The following TXNDC9 variants were observed in gnomAD, a reference collection of about 807,000 sequenced individuals.
TXNDC9 encodes thioredoxin domain containing 9, also known as thioredoxin domain-containing protein 9.
In TXNDC9, 7 loss-of-function variants were observed where a neutral mutation model predicts 23.0. The observed-to-expected ratio is 0.30, with a 90% CI of 0.17 to 0.57. The LOEUF (loss-of-function observed/expected upper bound fraction) is 0.57. TXNDC9 is among the 20% of genes least tolerant of loss of function. The pLI is 0.90. For missense variants in TXNDC9, 198 were observed against 252.6 expected, an observed-to-expected ratio of 0.78 and a Z score of 1.47; for synonymous variants, 72 against 90.6, an observed-to-expected ratio of 0.79 and a Z score of 1.17.
chr2:99,309,631 C>T, the TXNDC9 span, among the ~76,000 whole-genome samples: 3 of 151,494 alleles, frequency 2.0e-5, no homozygotes, highest in Non-Finnish European at 4.4e-5. Context: ...GTCAGGAGTT[C>T]GAGACCAGCC....
At chr2:99,315,016 C>T (rs1195437533), downstream of TXNDC9, among the ~76,000 whole-genome samples, 1 of 150,508 alleles carries the variant, frequency 6.6e-6, no homozygotes, top group African/African-American at 2.4e-5. Context: ...CTGCCTCAGC[C>T]TCCCGAGTAG....
intron 2 of TXNDC9, among the ~76,000 whole-genome samples, chr2:99,330,797 C>T (rs1464112746): frequency 6.6e-6 from 1 of 152,186 alleles, no homozygotes; most frequent in Non-Finnish European, 1.5e-5. Flanking sequence ...AAAATTACTG[C>T]ATAATCTAAT....
chr2:99,328,192 C>T (rs967311056), intron 2 of TXNDC9, among the ~76,000 whole-genome samples: 4 of 151,592 alleles, frequency 2.6e-5, no homozygotes, highest in Non-Finnish European at 5.9e-5. Flanking sequence ...ACCTCCTGGG[C>T]TCAAGAGATC....
intron 2 of TXNDC9, among the ~76,000 whole-genome samples, chr2:99,331,967 T>G (rs896598760): frequency 6.6e-6 from 1 of 152,064 alleles, no homozygotes; most frequent in Admixed American, 6.6e-5. Flanking sequence ...CGACCTCAGG[T>G]TGTCCGCTCA....
At chr2:99,308,408 T>C in the TXNDC9 span, among the ~76,000 whole-genome samples, 1 of 152,244 alleles carries the variant, frequency 6.6e-6, no homozygotes, top group Non-Finnish European at 1.5e-5. Flanking sequence ...TGCTGCCCTA[T>C]ATTTTTGCTC....
rs1018333823 is a variant in TXNDC9, at chr2:99,336,137, T to C, written c.-33+102A>G. On this transcript the variant is annotated intron_variant, in intron 1 of 4. Transcript: ENST00000264255. The stretch of plus-strand genomic sequence containing the variant: ...GCCTCTGCCAGGACACCGACACCGG[T>C]GCTGGGGCCGCGCCCCTCCTCCGCT... 152 of 947,250 alleles carry C rather than the reference T, an allele frequency of 1.6e-4. No individual in the cohort carries two copies. In the African/African-American group the frequency reaches 2.6e-3, roughly 16 times the overall value. The allele number at this position is 947,250 out of a possible 1,614,324, so 58.7% of individuals were successfully genotyped here. A position where few individuals can be genotyped will look rare whatever the true frequency, so the allele number is the denominator to read the frequency against.
In TXNDC9 at chr2:99,319,778, T is replaced by C. The variant is rs754589186; in HGVS notation, c.585A>G (p.Pro195=). 5.0e-6 allele frequency: 8 copies of C among 1,584,250 alleles called. No individual in the cohort carries two copies. The South Asian group carries it at 7.1e-5, about 14-fold the overall frequency. Residue 195 remains proline (P), a synonymous_variant, in exon 5 of 5, where the codon CCA becomes CCG. Coordinates refer to ENST00000264255, the MANE Select transcript of TXNDC9 (RefSeq NM_005783.4). ...LNYSGNLMEP[P]FQNQKKFGTN... ...TTCCAAATTTCTTTTGGTTCTGAAA[T>C]GGTGGCTCCATTAAATTTCCACTTA...
intron 2 of TXNDC9, among the ~76,000 whole-genome samples, chr2:99,328,935 G>A (rs753513752): frequency 2.6e-5 from 4 of 152,192 alleles, no homozygotes; most frequent in Non-Finnish European, 5.9e-5. Context: ...GTTGCAGTGA[G>A]CTGAGATCAC....
chr2:99,332,315 C>A (rs1475468175), intron 2 of TXNDC9, among the ~76,000 whole-genome samples: 1 of 152,066 alleles, frequency 6.6e-6, no homozygotes, highest in African/African-American at 2.4e-5. Context: ...TGGTGGTGTG[C>A]GCCTGTAGTC....
downstream of TXNDC9, among the ~76,000 whole-genome samples, chr2:99,317,946 A>C (rs961819849): frequency 1.3e-5 from 2 of 152,122 alleles, no homozygotes; most frequent in African/African-American, 4.8e-5. Flanking sequence ...GCTGGGGTGG[A>C]GTGGTGTGAT....
At chr2:99,320,238 G>A (rs192965861) in intron 4 of TXNDC9, among the ~76,000 whole-genome samples, 3 of 152,232 alleles carry the variant, frequency 2.0e-5, no homozygotes, top group South Asian at 4.1e-4. Flanking sequence ...GAACTCTTAG[G>A]CTCAAGCAAT....
the TXNDC9 span, among the ~76,000 whole-genome samples, chr2:99,306,466 G>A: frequency 2.0e-5 from 3 of 151,916 alleles, no homozygotes; most frequent in African/African-American, 7.2e-5. Context: ...TGCAAAGAAT[G>A]GCGCTGTGTT....
In TXNDC9 at chr2:99,332,801, T is replaced by A; in HGVS notation, c.189+221A>T. The A allele has an allele frequency of 6.3e-6, 3 of 477,472 alleles. No homozygotes were observed. In the South Asian group the frequency reaches 9.9e-5, roughly 16 times the overall value. 29.6% of individuals were successfully genotyped at this position (477,472 alleles called of 1,614,324 possible). A position where few individuals can be genotyped will look rare whatever the true frequency, so the allele number is the denominator to read the frequency against. ...GCTCAGAAAAACGATCTTGGGCAGA[T>A]CTTTCTTTTACTCGACTGTGGATTA... On this transcript the variant is annotated intron_variant, in intron 2 of 4. Transcript: ENST00000264255.
chr2:99,334,686 A>T (rs2094234406), intron 1 of TXNDC9, among the ~76,000 whole-genome samples: 1 of 152,216 alleles, frequency 6.6e-6, no homozygotes, highest in South Asian at 2.1e-4. Flanking sequence ...AAAGAAATGG[A>T]GTATTTTGTA....
downstream of TXNDC9, among the ~76,000 whole-genome samples, chr2:99,316,796 G>A (rs193282898): frequency 3.3e-5 from 5 of 151,574 alleles, no homozygotes; most frequent in African/African-American, 7.3e-5. Flanking sequence ...TCACTCTGTC[G>A]CCCAGGCTGG....
At chr2:99,328,202 C>A (rs2094217244) in intron 2 of TXNDC9, among the ~76,000 whole-genome samples, 1 of 151,666 alleles carries the variant, frequency 6.6e-6, no homozygotes, top group Non-Finnish European at 1.5e-5. Context: ...CTCAAGAGAT[C>A]CTCCTACGTC....
At chr2:99,327,750 G>T in intron 2 of TXNDC9, 97 bp from the exon 3 acceptor site, 6 of 663,736 alleles carry the variant, frequency 9.0e-6, no homozygotes, top group Non-Finnish European at 1.5e-5. Context: ...ATTTTGTAAT[G>T]AAGTCAATTA....
At chr2:99,310,729 T>C in the TXNDC9 span, among the ~76,000 whole-genome samples, 5 of 152,084 alleles carry the variant, frequency 3.3e-5, no homozygotes, top group East Asian at 1.9e-4. Flanking sequence ...CCTTTGAAGA[T>C]AGAGGGAAGG....
At chr2:99,328,067 G>A (rs866866142) in intron 2 of TXNDC9, among the ~76,000 whole-genome samples, 3 of 151,940 alleles carry the variant, frequency 2.0e-5, no homozygotes, top group African/African-American at 4.8e-5. Context: ...ATAGGTGTGA[G>A]CCACCGCGCC....
Sources: allele counts gnomAD v4.1 joint callset (sites outside exome capture counted in the v4.1 genomes callset), GRCh38; gene constraint gnomAD v4.1.1; transcripts MANE v1.5; gene names NCBI Gene and HGNC (gene_info 2026-07-23, HGNC 2026-07-21).